Variants in LONP1 observed in about 807,000 individuals in gnomAD.
The protein encoded by LONP1 is lon peptidase 1, mitochondrial, also known as lon protease homolog, mitochondrial.
LONP1 carries 31 observed loss-of-function variants against 98.5 expected under a neutral mutation model. The ratio of observed to expected loss-of-function variants is 0.31; its 90% confidence interval spans 0.24 to 0.42. LONP1 has a LOEUF of 0.42. LONP1 is among the 20% of genes least tolerant of loss of function. The probability of loss-of-function intolerance (pLI) is 1.00; values close to 1 mark genes in which losing one functional copy is unlikely to be tolerated. For missense variants in LONP1, 1,336 were observed against 1,350.6 expected (o/e 0.99, Z 0.17); for synonymous variants, 781 against 594.7 (o/e 1.31, Z -4.56).
At chr19:5,697,707 G>A (rs2054964924) in intron 10 of LONP1, among the ~76,000 whole-genome samples, 1 of 151,848 alleles carries the variant, frequency 6.6e-6, no homozygotes, top group Non-Finnish European at 1.5e-5. Context: ...GGAGGGTTTT[G>A]CTGCTGTTAA....
At chr19:5,713,324 T>G in intron 2 of LONP1, 71 bp from the exon 3 acceptor site, 2 of 1,559,480 alleles carry the variant, frequency 1.3e-6, no homozygotes, top group African/African-American at 1.4e-5. Context: ...CTGGCTGAGA[T>G]GGAGGAGGGA....
At chr19:5,713,936 T>TACCAGGGAC (rs2055275119) in intron 2 of LONP1, among the ~76,000 whole-genome samples, 3 of 152,182 alleles carry the variant, frequency 2.0e-5, no homozygotes, top group Non-Finnish European at 4.4e-5. Context: ...CATGGAGCAT[T>TACCAGGGAC]TCATCACTAA....
chr19:5,700,746 G>A (rs1395230331), intron 9 of LONP1, 43 bp downstream of exon 9: 2 of 1,610,052 alleles, frequency 1.2e-6, no homozygotes, highest in Admixed American at 1.7e-5. Flanking sequence ...CTGGGCCCGG[G>A]CACCCACATG....
intron 4 of LONP1, 124 bp from the exon 5 acceptor site, chr19:5,708,527 G>A: frequency 1.3e-6 from 1 of 741,030 alleles, no homozygotes; most frequent in South Asian, 1.6e-5. Flanking sequence ...TCCGCCAACT[G>A]GCCCTGGCCA....
rs776434430 is a variant in LONP1 at position 5,693,477 on chromosome 19, G to C, written c.2539-15C>G. ...GGGGTGGCGCCCTGTGGAGGCATGT[G>C]GGGATAGTGGGTGAGCAGGTGGCCA... On this transcript the variant is annotated splice_polypyrimidine_tract_variant and intron_variant, in intron 16 of 17. Transcript: ENST00000360614. 4 of 1,611,352 alleles carry C rather than the reference G, an allele frequency of 2.5e-6. No homozygotes were observed. The highest frequency in any genetic ancestry group is 3.4e-6 in the Non-Finnish European group (4 of 1,178,146).
At chr19:5,714,496 GGTTTCACCATAT>G (rs2055283854) in intron 1 of LONP1, among the ~76,000 whole-genome samples, 1 of 151,778 alleles carries the variant, frequency 6.6e-6, no homozygotes, top group Non-Finnish European at 1.5e-5. Context: ...GTAGAGATGG[GGTTTCACCATAT>G]TGGCCAGGTT....
intron 10 of LONP1, among the ~76,000 whole-genome samples, chr19:5,697,914 C>T (rs866466670): frequency 6.6e-6 from 1 of 152,104 alleles, no homozygotes; most frequent in Non-Finnish European, 1.5e-5. Flanking sequence ...ATCCCTGAAC[C>T]AGGCTCCAAG....
chr19:5,704,195 G>A (rs369278046), intron 8 of LONP1, among the ~76,000 whole-genome samples: 23 of 152,326 alleles, frequency 1.5e-4, no homozygotes, highest in African/African-American at 4.6e-4. Flanking sequence ...GCCCCGAGCC[G>A]AGGGATGCGG....
chr19:5,691,939 G>T lies in LONP1; in HGVS notation c.*93C>A. The T allele has an allele frequency of 3.1e-6, 3 of 962,738 alleles. No homozygotes were observed. The highest frequency in any genetic ancestry group is 3.0e-6 in the Non-Finnish European group (2 of 676,648). 59.6% of individuals were successfully genotyped at this position (962,738 alleles called of 1,614,324 possible). On this transcript the variant is annotated 3_prime_UTR_variant, in exon 18 of 18. Transcript: ENST00000360614. ...ACTGGACCGAGCTGCTCGCTCGGTG[G>T]CTCCACTGCCAGGTCCGGGCGCGCT...
chr19:5,702,294 G>A (rs535868489), intron 8 of LONP1, among the ~76,000 whole-genome samples: 40 of 145,898 alleles, frequency 2.7e-4, no homozygotes, highest in African/African-American at 6.7e-4. Flanking sequence ...TGCCCCATCC[G>A]GGAGGGAGGT....
At chr19:5,714,320 T>C in intron 1 of LONP1, 49 bp from the exon 2 acceptor site, 1 of 1,308,880 alleles carries the variant, frequency 7.6e-7, no homozygotes. Flanking sequence ...ATTTTTTTTT[T>C]GAGACAGAGT....
chr19:5,706,996 A>T, intron 7 of LONP1, 64 bp downstream of exon 7: 1 of 1,373,564 alleles, frequency 7.3e-7, no homozygotes, highest in South Asian at 1.2e-5. Flanking sequence ...CCAGAGCCTG[A>T]CTGATGTCAC....
At chr19:5,697,546 A>G (rs2054959824) in intron 10 of LONP1, among the ~76,000 whole-genome samples, 1 of 99,172 alleles carries the variant, frequency 1.0e-5, no homozygotes, top group African/African-American at 4.1e-5. Context: ...AAGAGGGAGG[A>G]GATGGAGAGG....
At chr19:5,695,200 C>T (rs1344370994) in intron 13 of LONP1, among the ~76,000 whole-genome samples, 1 of 152,116 alleles carries the variant, frequency 6.6e-6, no homozygotes. Context: ...CATACACAGA[C>T]CCAGGGCCTG....
intron 4 of LONP1, chr19:5,708,634 C>T (rs1263735100): frequency 1.9e-6 from 1 of 537,560 alleles, no homozygotes; most frequent in Non-Finnish European, 3.4e-6. Context: ...CAAACCCTGT[C>T]TCCTTACCCC....
chr19:5,694,777 T>G lies in LONP1; in HGVS notation c.2138A>C (p.Gln713Pro). 1 of 1,591,230 alleles carries G rather than the reference T, an allele frequency of 6.3e-7. No individual in the cohort carries two copies. Among genetic ancestry groups the G allele is most frequent in the Non-Finnish European group, 8.6e-7 (1 of 1,161,876 alleles). The change falls in exon 14 of 18, where the codon CAG becomes CCG. Residue 713 changes from glutamine (Q) to proline (P), a missense_variant. By Grantham distance (76) the Gln-to-Pro change is moderately conservative (BLOSUM62 -1). This residue lies in a region of LONP1 where 555 missense variants were observed against 542.6 expected (regional missense o/e 1.02). Coordinates refer to ENST00000360614, the MANE Select transcript of LONP1 (RefSeq NM_004793.4). ...YCRESGVRNL[Q>P]KQVEKVLRKS... ...GCCGCTCACCTTCTCCACTTGCTTC[T>G]GCAGGTTGCGGACACCGCTCTCGCG...
intron 9 of LONP1, 118 bp from the exon 10 acceptor site, chr19:5,699,323 G>C (rs1408692970): frequency 6.4e-6 from 5 of 783,032 alleles, no homozygotes; most frequent in Non-Finnish European, 9.2e-6. Flanking sequence ...AAGGGACCAG[G>C]ATTGTCCGGG....
intron 10 of LONP1, among the ~76,000 whole-genome samples, chr19:5,697,474 T>G (rs1599451493): frequency 2.3e-5 from 3 of 131,280 alleles, no homozygotes; most frequent in South Asian, 2.5e-4. Flanking sequence ...AGAAGAACAG[T>G]GAGGAGGCCA....
intron 13 of LONP1, among the ~76,000 whole-genome samples, 197 bp from the exon 14 acceptor site, chr19:5,695,098 G>A (rs921137332): frequency 9.2e-5 from 14 of 152,064 alleles, no homozygotes; most frequent in Non-Finnish European, 1.2e-4. Flanking sequence ...CTTGTGCTGC[G>A]TCCTCTGCTT....
Sources: gnomAD v4.1 joint callset for allele counts (sites outside exome capture counted in the v4.1 genomes callset) on GRCh38, gnomAD v4.1.1 for gene constraint, gnomAD v4.1.1 regional missense constraint, MANE v1.5 for transcripts, NCBI Gene and HGNC (gene_info 2026-07-23, HGNC 2026-07-21) for gene names.